Variants in NSUN6 observed in about 807,000 individuals in gnomAD.
NSUN6 encodes NOP2/Sun RNA methyltransferase 6.
Under a neutral mutation model 58.0 loss-of-function variants are expected in NSUN6, and 64 were observed. The observed-to-expected ratio is 1.10, with a 90% CI of 0.90 to 1.36. The LOEUF (loss-of-function observed/expected upper bound fraction) is 1.36, where lower values mean the gene tolerates loss of function less well. Ranked by LOEUF, NSUN6 falls within the 40% of genes most tolerant of loss-of-function variation. The pLI, the probability that NSUN6 is intolerant of heterozygous loss-of-function variation, is 0.00. For synonymous variants in NSUN6, 231 were observed against 193.9 expected (o/e 1.19, Z -1.59); for missense variants, 701 against 550.1 (o/e 1.27, Z -2.74).
upstream of NSUN6, among the ~76,000 whole-genome samples, chr10:18,657,426 A>G (rs781523764): frequency 2.0e-5 from 3 of 152,190 alleles, no homozygotes; most frequent in African/African-American, 4.8e-5. Flanking sequence ...CTTCAACACT[A>G]AAGTTTTCTG....
intron 5 of NSUN6, among the ~76,000 whole-genome samples, chr10:18,610,564 A>C (rs2058196435): frequency 6.6e-6 from 1 of 152,156 alleles, no homozygotes. Flanking sequence ...TCAGCTCTTT[A>C]TAGAATAATT....
At chr10:18,565,403 T>C (rs1183326939) in intron 8 of NSUN6, among the ~76,000 whole-genome samples, 1 of 150,846 alleles carries the variant, frequency 6.6e-6, no homozygotes, top group African/African-American at 2.4e-5. Flanking sequence ...CCATTCTCCA[T>C]TCCATTCCAT....
chr10:18,612,074 T>G (rs1267335788), intron 5 of NSUN6, among the ~76,000 whole-genome samples: 1 of 152,150 alleles, frequency 6.6e-6, no homozygotes, highest in African/African-American at 2.4e-5. Flanking sequence ...CCCCTGCTCC[T>G]GAGCAGAAAA....
chr10:18,620,909 T>C (rs1471039179), intron 3 of NSUN6, among the ~76,000 whole-genome samples: 1 of 152,234 alleles, frequency 6.6e-6, no homozygotes. Flanking sequence ...TGTTAGATTT[T>C]ATGAAAATAA....
chr10:18,556,055 G>C (rs1417025518), intron 8 of NSUN6, among the ~76,000 whole-genome samples: 1 of 149,886 alleles, frequency 6.7e-6, no homozygotes, highest in African/African-American at 2.5e-5. Flanking sequence ...GGAATGGAAG[G>C]GAAAATGGAG....
intron 8 of NSUN6, among the ~76,000 whole-genome samples, chr10:18,558,238 T>G (rs1486799615): frequency 4.6e-5 from 6 of 130,448 alleles, no homozygotes; most frequent in African/African-American, 1.5e-4. Flanking sequence ...GAATGGGGAG[T>G]AGTATGGAGT....
intron 3 of NSUN6, among the ~76,000 whole-genome samples, chr10:18,626,306 G>A (rs563898355): frequency 5.3e-5 from 8 of 151,432 alleles, no homozygotes; most frequent in Admixed American, 1.3e-4. Flanking sequence ...TTGGGAGGCC[G>A]AGGAGGGTGG....
At chr10:18,602,659 C>T (rs985522815) in intron 6 of NSUN6, among the ~76,000 whole-genome samples, 11 of 152,208 alleles carry the variant, frequency 7.2e-5, no homozygotes, top group South Asian at 2.1e-4. Flanking sequence ...TATGAGCCAC[C>T]GCGCCCAGCC....
chr10:18,593,054 C>T (rs2057438804), intron 7 of NSUN6, among the ~76,000 whole-genome samples: 4 of 152,106 alleles, frequency 2.6e-5, no homozygotes, highest in Admixed American at 2.6e-4. Context: ...AGGATATGAA[C>T]AGACACTTCT....
intron 3 of NSUN6, among the ~76,000 whole-genome samples, chr10:18,639,188 T>C (rs1419467978): frequency 6.6e-6 from 1 of 152,026 alleles, no homozygotes; most frequent in African/African-American, 2.4e-5. Context: ...TTTCTCATAA[T>C]GGAAAGTCAA....
rs1314833140 is a variant in NSUN6, at chr10:18,557,607, A to G, written c.923-5636T>C. On this transcript the variant is annotated intron_variant, in intron 8 of 10. Coordinates refer to ENST00000377304, the MANE Select transcript of NSUN6 (RefSeq NM_182543.5). The stretch of plus-strand genomic sequence containing the variant: ...GAATGGAGAATGGAATGGAAGATGG[A>G]TTGGAACGGAGAATGGAATAGAGTG... 3.3e-4 allele frequency among the ~76,000 whole-genome samples: 49 copies of G among 150,010 alleles called. 1 individual carries two copies. Among genetic ancestry groups the G allele is most frequent in the Non-Finnish European group, 4.5e-5 (3 of 67,262 alleles).
intron 8 of NSUN6, among the ~76,000 whole-genome samples, chr10:18,574,798 T>C (rs990638817): frequency 6.6e-6 from 1 of 152,138 alleles, no homozygotes; most frequent in African/African-American, 2.4e-5. Context: ...ATCAAGACCT[T>C]GTTCACAAGG....
At chr10:18,589,561 C>A (rs1457667904) in intron 7 of NSUN6, among the ~76,000 whole-genome samples, 1 of 152,216 alleles carries the variant, frequency 6.6e-6, no homozygotes, top group Non-Finnish European at 1.5e-5. Flanking sequence ...GCAGATGTCT[C>A]TGCAGAAACC....
chr10:18,580,832 G>A (rs960771710), intron 8 of NSUN6, among the ~76,000 whole-genome samples: 2 of 152,212 alleles, frequency 1.3e-5, no homozygotes, highest in African/African-American at 4.8e-5. Flanking sequence ...GTTTGGGTCT[G>A]CAGCAACCTC....
At chr10:18,556,725 T>G (rs1312277576) in intron 8 of NSUN6, among the ~76,000 whole-genome samples, 2 of 143,286 alleles carry the variant, frequency 1.4e-5, no homozygotes, top group Admixed American at 1.4e-4. Context: ...GAATGGAGAA[T>G]GGATTGGAAT....
At chr10:18,612,830 G>C (rs2131336994) in intron 5 of NSUN6, among the ~76,000 whole-genome samples, 1 of 152,260 alleles carries the variant, frequency 6.6e-6, no homozygotes, top group Middle Eastern at 3.4e-3. Flanking sequence ...GTACAAGATT[G>C]CGTATGTTAA....
upstream of NSUN6, chr10:18,658,305 T>C (rs2059800389): frequency 2.0e-5 from 3 of 152,340 alleles, no homozygotes; most frequent in African/African-American, 7.2e-5. Flanking sequence ...ACGTAAGTCA[T>C]ACATTCTCCT....
At chr10:18,597,447 G>C (rs1229204645) in intron 6 of NSUN6, among the ~76,000 whole-genome samples, 4 of 152,120 alleles carry the variant, frequency 2.6e-5, no homozygotes, top group Non-Finnish European at 5.9e-5. Context: ...CCAAAAGACT[G>C]AACAATACAT....
intron 3 of NSUN6, among the ~76,000 whole-genome samples, chr10:18,622,836 C>T (rs2058659968): frequency 6.6e-6 from 1 of 152,216 alleles, no homozygotes; most frequent in African/African-American, 2.4e-5. Context: ...AGTTAATGTT[C>T]TAGCCTGCTT....
Sources: allele counts gnomAD v4.1 joint callset (sites outside exome capture counted in the v4.1 genomes callset), GRCh38; gene constraint gnomAD v4.1.1; transcripts MANE v1.5; gene names NCBI Gene and HGNC (gene_info 2026-07-23, HGNC 2026-07-21).